MCF2L: variants seen among roughly 807,000 people sequenced by gnomAD.
The protein encoded by MCF2L is guanine nucleotide exchange factor DBS.
In MCF2L, 97 loss-of-function variants were observed where a neutral mutation model predicts 153.4. The ratio of observed to expected loss-of-function variants is 0.63; its 90% CI spans 0.54 to 0.75. MCF2L has a LOEUF of 0.75. MCF2L is among the 30% of genes least tolerant of loss of function. MCF2L has a pLI of 0.00. For synonymous variants in MCF2L, 659 were observed against 632.2 expected, an observed-to-expected ratio of 1.04 and a Z score of -0.64; for missense variants, 1,347 against 1,495.2, an observed-to-expected ratio of 0.90 and a Z score of 1.64.
At chr13:112,978,355 C>G (rs941806651) in intron 1 of MCF2L, among the ~76,000 whole-genome samples, 4 of 152,190 alleles carry the variant, frequency 2.6e-5, no homozygotes, top group African/African-American at 7.2e-5. Context: ...CACCTTGTTG[C>G]GTCTGGCAGG....
intron 2 of MCF2L, among the ~76,000 whole-genome samples, chr13:112,962,281 TCA>T (rs1439772153): frequency 6.6e-6 from 1 of 151,010 alleles, no homozygotes; most frequent in African/African-American, 2.4e-5. Context: ...GCACAGATGC[TCA>T]CACACGCATG....
rs2033261080 is a variant in MCF2L, at chr13:113,074,621, G to A, written c.1116+58G>A. The A allele has an allele frequency of 1.3e-6, 2 of 1,596,732 alleles. No individual in the cohort carries two copies. Among genetic ancestry groups the A allele is most frequent in the Admixed American group, 1.7e-5 (1 of 59,688 alleles). ...AGTGTGGGCAGCATCATCAAGTGCT[G>A]CTCAGGAAGGCGCAGGAATGGGCCT... On this transcript the variant is annotated intron_variant, in intron 10 of 29. Coordinates refer to ENST00000535094, the MANE Select transcript of MCF2L (RefSeq NM_001112732.3). The surrounding 1 kb of genome is among the most constrained non-coding windows in gnomAD (Gnocchi z 4.2).
chr13:112,989,294 C>A (rs1566697208), intron 1 of MCF2L, among the ~76,000 whole-genome samples: 1 of 139,692 alleles, frequency 7.2e-6, no homozygotes, highest in East Asian at 2.2e-4. Context: ...CTACCACGCC[C>A]GAGTCCTCCC....
chr13:113,091,223 C>T, intron 26 of MCF2L: 1 of 1,303,922 alleles, frequency 7.7e-7, no homozygotes. Flanking sequence ...GGCACGGCAC[C>T]CACTCTGCGT....
chr13:112,969,170 C>T, upstream of MCF2L: 1 of 562,866 alleles, frequency 1.8e-6, no homozygotes, highest in East Asian at 6.4e-5. This position sits in a 1 kb window ranked among gnomAD's most constrained non-coding sequence, Gnocchi z 4.8. Context: ...CGCCGAGCCG[C>T]CCCCCGCCCC....
intron 14 of MCF2L, 75 bp from the exon 15 acceptor site, chr13:113,078,578 CATACGGGAACTGG>C: frequency 7.0e-7 from 1 of 1,419,152 alleles, no homozygotes; most frequent in Non-Finnish European, 9.8e-7. Context: ...GCCCTGTCCC[CATACGGGAACTGG>C]TGGGCTCTGG....
intron 20 of MCF2L, 79 bp downstream of exon 20, chr13:113,085,257 C>T: frequency 1.6e-6 from 2 of 1,251,680 alleles, no homozygotes; most frequent in South Asian, 2.5e-5. Flanking sequence ...GGCCCCGTCC[C>T]CATCGCGCCC....
intron 4 of MCF2L, among the ~76,000 whole-genome samples, chr13:113,052,343 T>C (rs1186604602): frequency 6.6e-6 from 1 of 152,210 alleles, no homozygotes; most frequent in Non-Finnish European, 1.5e-5. Context: ...AGGCTCCGTG[T>C]GGGCCGTGGA....
In MCF2L at chr13:113,078,401, G is replaced by A. The variant is rs750570892; in HGVS notation, c.1699G>A (p.Gly567Ser). The A allele has an allele frequency of 2.0e-5, 32 of 1,612,878 alleles. No individual in the cohort carries two copies. Among genetic ancestry groups the A allele is most frequent in the Admixed American group, 5.0e-5 (3 of 59,960 alleles). The change falls in exon 14 of 30, where the codon GGT becomes AGT. Residue 567 changes from glycine (G) to serine (S), a missense_variant. Around this residue, in one of 3 missense-constraint regions of MCF2L, gnomAD observed 820 missense variants for 921.2 expected, o/e 0.89. Transcript: ENST00000535094. ...RGSENSSSEG[G>S]ALRRGPYRRA... is the part of the protein sequence containing the mutation. ...CTCTGAGAACTCCAGCTCCGAGGGC[G>A]GTGCGCTCCGGAGAGGGCCCTACCG...
intron 17 of MCF2L, among the ~76,000 whole-genome samples, chr13:113,083,692 G>A (rs2034367012): frequency 6.6e-6 from 1 of 152,226 alleles, no homozygotes; most frequent in African/African-American, 2.4e-5. Context: ...GGCCCTGAAA[G>A]GTCCCATCTC....
At chr13:113,095,596 C>A in intron 27 of MCF2L, 1 of 996,392 alleles carries the variant, frequency 1.0e-6, no homozygotes. Flanking sequence ...CAGTCACCGT[C>A]CTCTTGCTCC....
rs933624582 is a variant in MCF2L at position 112,920,187 on chromosome 13, G to C, written c.169+17816G>C. ...CCGTGTTACCTGGCTGAACTGCAGAGTGAAGAGCTCACGTATGGGTACATG... is the reference window on the plus strand; with the variant it reads ...CCGTGTTACCTGGCTGAACTGCAGACTGAAGAGCTCACGTATGGGTACATG... On this transcript the variant is annotated intron_variant, in intron 2 of 29. Transcript: ENST00000375608. Among the ~76,000 whole-genome samples, 6 of 152,360 alleles carry C rather than the reference G, an allele frequency of 3.9e-5. No individual in the cohort carries two copies. The East Asian group carries it at 1.2e-3, about 29-fold the overall frequency.
At chr13:112,898,548 C>T (rs955708133) in intron 1 of MCF2L, among the ~76,000 whole-genome samples, 11 of 152,140 alleles carry the variant, frequency 7.2e-5, no homozygotes, top group Admixed American at 3.3e-4. Flanking sequence ...GCAGGGGTAA[C>T]GCCCACGGCC....
intron 1 of MCF2L, among the ~76,000 whole-genome samples, chr13:112,895,320 C>A (rs989121442): frequency 3.9e-5 from 6 of 152,138 alleles, no homozygotes; most frequent in Non-Finnish European, 7.4e-5. Context: ...TGGCCCGGGC[C>A]GCCCAGGCAG....
chr13:113,044,307 C>G (rs1004021544), intron 3 of MCF2L: 8 of 322,434 alleles, frequency 2.5e-5, no homozygotes, highest in South Asian at 8.4e-5. Context: ...GTCACTGCCT[C>G]GTCTTCATGT....
At chr13:112,923,533 G>A (rs2081374677) in intron 2 of MCF2L, among the ~76,000 whole-genome samples, 1 of 151,948 alleles carries the variant, frequency 6.6e-6, no homozygotes. Flanking sequence ...CAAAGTGCTG[G>A]GATTACAGGT....
intron 2 of MCF2L, among the ~76,000 whole-genome samples, chr13:112,905,837 A>G (rs1311204511): frequency 6.6e-6 from 1 of 152,232 alleles, no homozygotes; most frequent in East Asian, 1.9e-4. Context: ...TAACACTCCT[A>G]TGAACACAGT....
chr13:112,985,518 T>C (rs949921151), intron 1 of MCF2L: 4 of 469,462 alleles, frequency 8.5e-6, no homozygotes, highest in Non-Finnish European at 1.8e-5. Context: ...TCGCAGGTGG[T>C]GTGCTCGGAG....
At chr13:113,096,233 G>A (rs1353849089) in intron 27 of MCF2L, 138 bp from the exon 28 acceptor site, 1 of 673,654 alleles carries the variant, frequency 1.5e-6, no homozygotes, top group Admixed American at 2.6e-5. Flanking sequence ...CAAGGCTGGA[G>A]CCCTTCCCCG....
Sources: allele counts gnomAD v4.1 joint callset (sites outside exome capture counted in the v4.1 genomes callset), GRCh38; gene constraint gnomAD v4.1.1; regional missense constraint gnomAD v4.1.1; non-coding constraint Gnocchi (gnomAD v3.1); transcripts MANE v1.5; gene names NCBI Gene and HGNC (gene_info 2026-07-23, HGNC 2026-07-21).